The following CA14 variants were observed in gnomAD, a reference collection of about 807,000 sequenced individuals.
CA14 encodes the protein CA-XIV.
In CA14, 44 loss-of-function variants were observed where a neutral mutation model predicts 48.8. That is an observed-to-expected ratio of 0.90 (90% CI 0.71 to 1.16). CA14 has a LOEUF of 1.16. Among genes scored for constraint, CA14 ranks in the 50% most tolerant of loss-of-function variants. CA14 has a pLI of 0.00. For missense variants in CA14, 386 were observed against 401.0 expected (o/e 0.96, Z 0.32); for synonymous variants, 154 against 155.0 (o/e 0.99, Z 0.05).
At position 150,263,794 on chromosome 1, in the gene CA14, G is replaced by A. The variant is rs782654861; in HGVS notation, c.863G>A (p.Gly288Asp). ...CACCTTTTACCTTTATCTCCCCCAG[G>A]TGAAATGCTGAGTCTAGGTGTAGGA... ...FIQAGSSYTT[G>D]EMLSLGVGIL... Residue 288 changes from glycine to aspartate, a missense_variant and splice_region_variant, in exon 10 of 11, where the codon GGT becomes GAT. Coordinates refer to ENST00000369111, the MANE Select transcript of CA14 (RefSeq NM_012113.3). The A allele has an allele frequency of 1.2e-6, 2 of 1,613,972 alleles. No homozygotes were observed. The highest frequency in any genetic ancestry group is 1.7e-5 in the Admixed American group (1 of 60,020).
At chr1:150,262,919 C>A in intron 6 of CA14, 49 bp downstream of exon 6, 1 of 1,586,484 alleles carries the variant, frequency 6.3e-7, no homozygotes, top group Non-Finnish European at 8.7e-7. Flanking sequence ...CTTTCAAAAA[C>A]TATCCTTAAA....
intron 1 of CA14, 59 bp downstream of exon 1, chr1:150,258,242 G>A: frequency 7.1e-7 from 1 of 1,415,720 alleles, no homozygotes; most frequent in Non-Finnish European, 9.9e-7. Flanking sequence ...GTCGCCAGGT[G>A]TGCTTAATGG....
At chr1:150,258,813 T>C (rs910286433) in intron 1 of CA14, among the ~76,000 whole-genome samples, 16 of 152,154 alleles carry the variant, frequency 1.1e-4, no homozygotes, top group African/African-American at 3.4e-4. Flanking sequence ...TCCAGGAGTG[T>C]CCCCAGGAAC....
rs1383091220 is a variant in CA14 at position 150,257,884 on chromosome 1, G to C, written c.-245G>C. 1 of 322,226 alleles carries C rather than the reference G, an allele frequency of 3.1e-6. No individual in the cohort carries two copies. The highest frequency in any genetic ancestry group is 2.1e-5 in the African/African-American group (1 of 46,688). The allele number at this position is 322,226 out of a possible 1,614,324, so 20.0% of individuals were successfully genotyped here. A position where few individuals can be genotyped will look rare whatever the true frequency, so the allele number is the denominator to read the frequency against. On this transcript the variant is annotated 5_prime_UTR_variant, in exon 1 of 11. Transcript: ENST00000369111. ...GAGACTGCAGAGGGAGATAAAGAGA[G>C]AGGGCAAAGAGGCAGCAAGAGATTT...
Position 150,262,342 on chromosome 1 carries a change from G to C in CA14, c.399+42G>C, listed in dbSNP as rs186320241. 3 of 1,570,336 alleles carry C rather than the reference G, an allele frequency of 1.9e-6. No homozygotes were observed. The East Asian group carries it at 6.7e-5, about 35-fold the overall frequency. On this transcript the variant is annotated intron_variant, in intron 4 of 10. Transcript: ENST00000369111. Reference sequence around the variant, plus strand: ...AGCTGGGACTCAGACAAAGTAACAGGGATGGGTGGTCCTGGGGAAAGGATC... The same window carrying C: ...AGCTGGGACTCAGACAAAGTAACAGCGATGGGTGGTCCTGGGGAAAGGATC...
In CA14 at chr1:150,258,117, T is replaced by G; in HGVS notation, c.-12T>G. On this transcript the variant is annotated 5_prime_UTR_variant, in exon 1 of 11. Transcript: ENST00000369111. ...CAAATTCCCAGTCCCCTGCACCCCTTCCTGGGACACTATGTTGTTCTCCGC... is the reference window on the plus strand; with the variant it reads ...CAAATTCCCAGTCCCCTGCACCCCTGCCTGGGACACTATGTTGTTCTCCGC... 1 of 1,606,482 alleles carries G rather than the reference T, an allele frequency of 6.2e-7. No homozygotes were observed. The highest frequency in any genetic ancestry group is 8.5e-7 in the Non-Finnish European group (1 of 1,175,404).
chr1:150,262,506 T>A lies in CA14; in HGVS notation c.400-19T>A, dbSNP rs1277950241. ...GGGTGCAGACATTCCATGATTCAAT[T>A]CCCTCTTCCTTCCTTTAGCTCCACA... On this transcript the variant is annotated intron_variant, in intron 4 of 10. Transcript: ENST00000369111. The A allele has an allele frequency of 6.3e-7, 1 of 1,594,434 alleles. No homozygotes were observed. The highest frequency in any genetic ancestry group is 1.3e-5 in the African/African-American group (1 of 74,408).
Position 150,261,554 on chromosome 1 carries a change from G to A in CA14, c.172G>A (p.Asp58Asn). Residue 58 changes from aspartate to asparagine, a missense_variant, in exon 3 of 11, where the codon GAC becomes AAC. Physicochemically the swap from Asp to Asn is conservative, Grantham distance 23. Transcript: ENST00000369111. ...TATTCAGACAGACAGTGTGACATTT[G>A]ACCCTGATTTGCCTGCTCTGCAGCC... ...IDIQTDSVTF[D>N]PDLPALQPHG... 6.2e-7 allele frequency: 1 copy of A among 1,614,144 alleles called. No individual in the cohort carries two copies. The highest frequency in any genetic ancestry group is 8.5e-7 in the Non-Finnish European group (1 of 1,180,040).
rs142572881 is a variant in CA14 at position 150,263,790 on chromosome 1, C to T, written c.863-4C>T. ...CTGACACCTTTTACCTTTATCTCCCCCAGGTGAAATGCTGAGTCTAGGTGT... is the reference window on the plus strand; with the variant it reads ...CTGACACCTTTTACCTTTATCTCCCTCAGGTGAAATGCTGAGTCTAGGTGT... On this transcript the variant is annotated splice_polypyrimidine_tract_variant and splice_region_variant and intron_variant, in intron 9 of 10. Transcript: ENST00000369111. The T allele has an allele frequency of 3.6e-4, 586 of 1,613,900 alleles. No individual in the cohort carries two copies. Among genetic ancestry groups the T allele is most frequent in the Non-Finnish European group, 4.8e-4 (563 of 1,179,772 alleles).
Position 150,263,077 on chromosome 1 carries a change from G to C in CA14, c.598G>C (p.Glu200Gln), listed in dbSNP as rs782443282. ...CTCAGTGCCTCCCTTCAACCTAAGA[G>C]AGCTGCTCCCCAAACAGCTGGGGCA... Reference protein sequence around the residue: ...KTSVPPFNLRELLPKQLGQYF... With the variant: ...KTSVPPFNLRQLLPKQLGQYF... Residue 200 changes from glutamate (E) to glutamine (Q), a missense_variant, in exon 7 of 11, where the codon GAG becomes CAG. Transcript: ENST00000369111. 1.2e-6 allele frequency: 2 copies of C among 1,614,116 alleles called. No individual in the cohort carries two copies. The highest frequency in any genetic ancestry group is 1.7e-6 in the Non-Finnish European group (2 of 1,180,018).
At chr1:150,262,913 C>T in intron 6 of CA14, 43 bp downstream of exon 6, 1 of 1,585,862 alleles carries the variant, frequency 6.3e-7, no homozygotes. Context: ...ATTAGACTTT[C>T]AAAAACTATC....
At position 150,263,426 on chromosome 1, in the gene CA14, C is replaced by T. The variant is rs993679392; in HGVS notation, c.841+7C>T. 5.0e-6 allele frequency: 8 copies of T among 1,613,854 alleles called. No individual in the cohort carries two copies. Among genetic ancestry groups the T allele is most frequent in the Middle Eastern group, 1.7e-4 (1 of 5,914 alleles). On this transcript the variant is annotated splice_region_variant and intron_variant, in intron 8 of 10. Transcript: ENST00000369111. ...TTTGCTTCTTTCATCCAAGGTGATT[C>T]TGCACGGCTCAGAAGAGATGGGAAA...
intron 10 of CA14, among the ~76,000 whole-genome samples, chr1:150,264,169 G>A (rs969177288): frequency 5.9e-5 from 9 of 151,696 alleles, no homozygotes; most frequent in South Asian, 2.1e-4. Flanking sequence ...CAGGCAATTC[G>A]CCTGCCTCAG....
chr1:150,261,566 C>G lies in CA14; in HGVS notation c.184C>G (p.Pro62Ala). The G allele has an allele frequency of 6.2e-7, 1 of 1,614,168 alleles. No homozygotes were observed. The highest frequency in any genetic ancestry group is 8.5e-7 in the Non-Finnish European group (1 of 1,180,022). ...CAGTGTGACATTTGACCCTGATTTG[C>G]CTGCTCTGCAGCCCCACGGATATGA... The part of the protein sequence containing the change: ...TDSVTFDPDL[P>A]ALQPHGYDQP... Residue 62 changes from proline (P) to alanine (A), a missense_variant, in exon 3 of 11, where the codon CCT becomes GCT. Coordinates refer to ENST00000369111, the MANE Select transcript of CA14 (RefSeq NM_012113.3).
chr1:150,263,494 G>GA, intron 8 of CA14, 75 bp downstream of exon 8: 1 of 1,606,780 alleles, frequency 6.2e-7, no homozygotes, highest in South Asian at 1.1e-5. Context: ...CCAATGGGAA[G>GA]AAAAGGCTAA....
At chr1:150,259,273 G>A (rs1029870857) in intron 1 of CA14, among the ~76,000 whole-genome samples, 2 of 152,224 alleles carry the variant, frequency 1.3e-5, no homozygotes, top group Admixed American at 6.5e-5. Flanking sequence ...GTTTCTAGTA[G>A]TATGAATATT....
rs1553847841 is a variant in CA14, at chr1:150,261,592, C to T, written c.210C>T (p.Asp70=). 1 of 1,614,160 alleles carries T rather than the reference C, an allele frequency of 6.2e-7. No homozygotes were observed. The highest frequency in any genetic ancestry group is 1.7e-5 in the Admixed American group (1 of 60,010). The change falls in exon 3 of 11, where the codon GAC becomes GAT. Residue 70 remains aspartate (D), a synonymous_variant. Transcript: ENST00000369111. ...DLPALQPHGY[D]QPGTEPLDLH... The stretch of plus-strand genomic sequence containing the variant: ...CTGCTCTGCAGCCCCACGGATATGA[C>T]CAGCCTGGCACCGAGCCTTTGGACC...
rs1553849034 is a variant in CA14, at chr1:150,264,657, T to A, written c.1012T>A (p.Ter338LysextTer32). 6.2e-7 allele frequency: 1 copy of A among 1,611,742 alleles called. No homozygotes were observed. The change falls in exon 11 of 11, where the codon TAA (stop) becomes AAA (lysine). Residue 338 changes from the stop codon to lysine, a stop_lost. Transcript: ENST00000369111. ...FTSAQATTEA* is the reference protein window; with the variant it reads ...FTSAQATTEAK The stretch of plus-strand genomic sequence containing the variant: ...CTCAGCACAAGCCACGACTGAGGCA[T>A]AAATTCCTTCTCAGATACCATGGAT...
chr1:150,262,011 A>T, intron 3 of CA14, 147 bp from the exon 4 acceptor site: 1 of 831,932 alleles, frequency 1.2e-6, no homozygotes, highest in Non-Finnish European at 1.9e-6. Flanking sequence ...AAGATATGCT[A>T]GAAAAGCACT....
Sources: allele counts gnomAD v4.1 joint callset (sites outside exome capture counted in the v4.1 genomes callset), GRCh38; gene constraint gnomAD v4.1.1; transcripts MANE v1.5; gene names NCBI Gene and HGNC (gene_info 2026-07-23, HGNC 2026-07-21).